NDUFA10: variants seen among roughly 807,000 people sequenced by gnomAD.
NDUFA10 encodes the protein NADH:ubiquinone oxidoreductase subunit A10.
Under a neutral mutation model 47.8 loss-of-function variants are expected in NDUFA10, and 40 were observed. The observed-to-expected ratio is 0.84, with a 90% confidence interval of 0.65 to 1.09. The LOEUF (loss-of-function observed/expected upper bound fraction) is 1.09. NDUFA10 is among the 50% of genes least tolerant of loss of function. The pLI, the probability that NDUFA10 is intolerant of heterozygous loss-of-function variation, is 0.00. For missense variants in NDUFA10, 413 were observed against 451.1 expected (o/e 0.92, Z 0.76); for synonymous variants, 183 against 172.2 (o/e 1.06, Z -0.49).
In NDUFA10 at chr2:239,958,635, T is replaced by C. The variant is rs1694726574; in HGVS notation, c.*2483A>G. The C allele has an allele frequency of 6.6e-6, 1 of 152,394 alleles. No individual in the cohort carries two copies. The highest frequency in any genetic ancestry group is 1.5e-5 in the Non-Finnish European group (1 of 68,172). The allele number at this position is 152,394 out of a possible 1,614,324, so 9.4% of individuals were successfully genotyped here. A position where few individuals can be genotyped will look rare whatever the true frequency, so the allele number is the denominator to read the frequency against. On this transcript the variant is annotated 3_prime_UTR_variant, in exon 10 of 10. Coordinates refer to ENST00000252711, the MANE Select transcript of NDUFA10 (RefSeq NM_004544.4). ...GGGCTGGTGAGCTGCTGCTGCTATCTACCCAGGCAACTCCATTTTGCTGAG... is the reference window on the plus strand; with the variant it reads ...GGGCTGGTGAGCTGCTGCTGCTATCCACCCAGGCAACTCCATTTTGCTGAG...
intron 4 of NDUFA10, among the ~76,000 whole-genome samples, chr2:240,017,576 GTCT>G (rs1367737013): frequency 6.6e-6 from 1 of 152,108 alleles, no homozygotes; most frequent in Non-Finnish European, 1.5e-5. Flanking sequence ...TGGGAGCCTT[GTCT>G]TAAGTTTCTT....
chr2:239,943,838 C>T (rs553062879), intron 4 of NDUFA10, among the ~76,000 whole-genome samples: 6 of 152,304 alleles, frequency 3.9e-5, no homozygotes, highest in Admixed American at 1.3e-4. Context: ...GCTGGACCTG[C>T]AGTCCAAGAC....
At chr2:239,903,268 C>T (rs578156119) in intron 4 of NDUFA10, among the ~76,000 whole-genome samples, 5 of 152,262 alleles carry the variant, frequency 3.3e-5, no homozygotes, top group African/African-American at 1.2e-4. Flanking sequence ...CCTAAAACAC[C>T]TTTCAGGAAT....
chr2:240,017,112 C>T (rs2106492683), intron 4 of NDUFA10, among the ~76,000 whole-genome samples: 1 of 152,312 alleles, frequency 6.6e-6, no homozygotes, highest in South Asian at 2.1e-4. Context: ...CCCCTTCCGT[C>T]TCTCCTCACC....
chr2:240,003,441 TG>T (rs1246194177), intron 8 of NDUFA10, among the ~76,000 whole-genome samples: 3 of 152,186 alleles, frequency 2.0e-5, no homozygotes, highest in African/African-American at 7.2e-5. Flanking sequence ...GGCAAAGTGT[TG>T]GTGCAGTCTG....
chr2:239,922,757 G>A (rs1270337232), intron 4 of NDUFA10, among the ~76,000 whole-genome samples: 1 of 152,202 alleles, frequency 6.6e-6, no homozygotes, highest in African/African-American at 2.4e-5. Flanking sequence ...AGTGAAGTGG[G>A]TTTCCACCCC....
rs1330759274 is a variant in NDUFA10, at chr2:239,932,220, A to G, written c.295-36906T>C. 2.0e-5 allele frequency among the ~76,000 whole-genome samples: 3 copies of G among 152,220 alleles called. No individual in the cohort carries two copies. In the East Asian group the frequency reaches 5.8e-4, roughly 29 times the overall value. ...TATATTTTGCGAAAAAATGGGAAAC[A>G]AAAACCCAAATACCCTTTTGCCTCT... On this transcript the variant is annotated intron_variant, in intron 4 of 5. Coordinates refer to the NDUFA10 transcript ENST00000419408.
At chr2:239,941,352 G>A (rs578229872) in intron 4 of NDUFA10, among the ~76,000 whole-genome samples, 5 of 152,226 alleles carry the variant, frequency 3.3e-5, no homozygotes, top group South Asian at 4.2e-4. Context: ...CACTTCCCAC[G>A]CCCGATGATG....
chr2:239,911,943 C>A (rs140618054), intron 4 of NDUFA10, among the ~76,000 whole-genome samples: 112 of 152,214 alleles, frequency 7.4e-4, no homozygotes, highest in African/African-American at 2.5e-3. Context: ...CTGGAACAGC[C>A]CTGGGGGGTT....
At chr2:239,991,138 C>T (rs1468015911) in intron 8 of NDUFA10, among the ~76,000 whole-genome samples, 1 of 152,124 alleles carries the variant, frequency 6.6e-6, no homozygotes, top group Admixed American at 6.6e-5. Context: ...CCCAGGTAGG[C>T]TCTCCCACAA....
chr2:239,979,624 G>A (rs946260242), intron 9 of NDUFA10, among the ~76,000 whole-genome samples: 9 of 152,166 alleles, frequency 5.9e-5, no homozygotes, highest in Middle Eastern at 3.4e-3. Flanking sequence ...CAGCGCCCCC[G>A]CCCATAGCAC....
chr2:239,939,361 G>A (rs938399398), intron 4 of NDUFA10, among the ~76,000 whole-genome samples: 33 of 152,222 alleles, frequency 2.2e-4, no homozygotes, highest in Admixed American at 1.9e-3. Flanking sequence ...TGGAACTCGC[G>A]GAGAGAGAGG....
intron 4 of NDUFA10, among the ~76,000 whole-genome samples, chr2:239,914,160 T>TAC (rs760281661): frequency 6.2e-5 from 9 of 145,066 alleles, no homozygotes; most frequent in Admixed American, 2.0e-4. Context: ...TACACAGAGA[T>TAC]ACACACACAC....
intron 4 of NDUFA10, among the ~76,000 whole-genome samples, chr2:239,899,308 G>A (rs28672715): frequency 1.1e-3 from 15 of 14,162 alleles, no homozygotes; most frequent in South Asian, 5.4e-3. Context: ...TGTGATGGAG[G>A]GGTGTGATGG....
chr2:239,916,805 G>A (rs1693888213), intron 4 of NDUFA10, among the ~76,000 whole-genome samples: 1 of 152,206 alleles, frequency 6.6e-6, no homozygotes, highest in South Asian at 2.1e-4. Context: ...ATTCCCTCAG[G>A]AGGAGCAGCC....
chr2:239,990,030 C>G, intron 9 of NDUFA10, 44 bp downstream of exon 9: 1 of 1,378,488 alleles, frequency 7.3e-7, no homozygotes, highest in Non-Finnish European at 1.0e-6. Flanking sequence ...CCAGGTGCTG[C>G]AGACTCATCC....
At position 239,959,430 on chromosome 2, in the gene NDUFA10, C is replaced by T; in HGVS notation, c.*1688G>A. 1.0e-6 allele frequency: 1 copy of T among 985,470 alleles called. No individual in the cohort carries two copies. The highest frequency in any genetic ancestry group is 1.2e-6 in the Non-Finnish European group (1 of 829,938). 61.0% of individuals were successfully genotyped at this position (985,470 alleles called of 1,614,324 possible). On this transcript the variant is annotated 3_prime_UTR_variant, in exon 10 of 10. Transcript: ENST00000252711. ...ATTAAAGATGGCTTTCTTTTTCTTT[C>T]CTCCCCTCCACAATGGGTTTGTGAA...
rs868248208 is a variant in NDUFA10, at chr2:239,959,985, C to T, written c.*1133G>A. The T allele has an allele frequency of 3.0e-6, 3 of 985,330 alleles. No homozygotes were observed. The highest frequency in any genetic ancestry group is 1.7e-5 in the African/African-American group (1 of 57,364). 61.0% of individuals were successfully genotyped at this position (985,330 alleles called of 1,614,324 possible). On this transcript the variant is annotated 3_prime_UTR_variant, in exon 10 of 10. Coordinates refer to ENST00000252711, the MANE Select transcript of NDUFA10 (RefSeq NM_004544.4). ...CTCTGCACCAGCACTGGAACTACTGCCCACAGGCGGCTGTGGAGTGCCTGA... is the reference window on the plus strand; with the variant it reads ...CTCTGCACCAGCACTGGAACTACTGTCCACAGGCGGCTGTGGAGTGCCTGA...
Position 239,959,628 on chromosome 2 carries a change from G to A in NDUFA10, c.*1490C>T. On this transcript the variant is annotated 3_prime_UTR_variant, in exon 10 of 10. Coordinates refer to ENST00000252711, the MANE Select transcript of NDUFA10 (RefSeq NM_004544.4). The stretch of plus-strand genomic sequence containing the variant: ...TTCAAATTCTTAAAACAAGGAAGGA[G>A]GCAGGGAGGAAGGGAAGGGAGGAAA... 1.0e-6 allele frequency: 1 copy of A among 986,180 alleles called. No homozygotes were observed. The highest frequency in any genetic ancestry group is 1.2e-6 in the Non-Finnish European group (1 of 830,072). The allele number at this position is 986,180 out of a possible 1,614,324, so 61.1% of individuals were successfully genotyped here. A position where few individuals can be genotyped will look rare whatever the true frequency, so the allele number is the denominator to read the frequency against.
Sources: allele counts gnomAD v4.1 joint callset (sites outside exome capture counted in the v4.1 genomes callset), GRCh38; gene constraint gnomAD v4.1.1; transcripts MANE v1.5; gene names NCBI Gene and HGNC (gene_info 2026-07-23, HGNC 2026-07-21).